KIRREL3: variants seen among roughly 807,000 people sequenced by gnomAD.
The protein encoded by KIRREL3 is kin of IRRE-like protein 3.
Under a neutral mutation model 89.7 loss-of-function variants are expected in KIRREL3, and 36 were observed. The ratio of observed to expected loss-of-function variants is 0.40; its 90% confidence interval spans 0.31 to 0.53. KIRREL3 has a LOEUF of 0.53. KIRREL3 is among the 20% of genes least tolerant of loss of function. KIRREL3 has a pLI of 0.49. For synonymous variants in KIRREL3, 445 were observed against 441.4 expected, an observed-to-expected ratio of 1.01 and a Z score of -0.10; for missense variants, 864 against 1,056.6, an observed-to-expected ratio of 0.82 and a Z score of 2.53.
Position 126,739,192 on chromosome 11 carries a change from G to A in KIRREL3, c.56-176280C>T, listed in dbSNP as rs1106419. 0.21 allele frequency among the ~76,000 whole-genome samples: 31,425 copies of A among 152,216 alleles called. 3,364 individuals carry two copies. Among genetic ancestry groups the A allele is most frequent in the African/African-American group, 0.24 (9,923 of 41,520 alleles). The stretch of plus-strand genomic sequence containing the variant: ...CTTCCACCCGTTCCGTGCTATTGTT[G>A]GAGATGTGAATTCCACTGATGTGAA... On this transcript the variant is annotated intron_variant, in intron 1 of 16. Transcript: ENST00000525144. This position sits in a 1 kb window ranked among gnomAD's most constrained non-coding sequence, Gnocchi z 5.5.
rs1187085766 is a variant in KIRREL3 at position 126,601,790 on chromosome 11, G to A, written c.56-38878C>T. Reference sequence around the variant, plus strand: ...ATCCCCCTGAATTCCATCCCCTGCCGCGTCCATTTCTAGGAGCTCCATTCC... The same window carrying A: ...ATCCCCCTGAATTCCATCCCCTGCCACGTCCATTTCTAGGAGCTCCATTCC... On this transcript the variant is annotated intron_variant, in intron 1 of 16. Coordinates refer to ENST00000525144, the MANE Select transcript of KIRREL3 (RefSeq NM_032531.4). The surrounding 1 kb of genome is among the most constrained non-coding windows in gnomAD (Gnocchi z 5.8). 6.6e-6 allele frequency among the ~76,000 whole-genome samples: 1 copy of A among 152,064 alleles called. No individual in the cohort carries two copies. The highest frequency in any genetic ancestry group is 2.4e-5 in the African/African-American group (1 of 41,392).
At chr11:126,502,694 G>A (rs931576937) in intron 4 of KIRREL3, among the ~76,000 whole-genome samples, 1 of 152,214 alleles carries the variant, frequency 6.6e-6, no homozygotes, top group Non-Finnish European at 1.5e-5. Flanking sequence ...ACTTGGAAAT[G>A]TTTCCTAGTT....
At chr11:126,591,511 C>T (rs1169753187) in intron 1 of KIRREL3, among the ~76,000 whole-genome samples, 2 of 152,310 alleles carry the variant, frequency 1.3e-5, no homozygotes, top group East Asian at 3.9e-4. Flanking sequence ...AGGGCTTCTA[C>T]ATCTTGCCCA....
intron 1 of KIRREL3, among the ~76,000 whole-genome samples, chr11:126,727,028 TTC>T (rs1948414800): frequency 6.6e-6 from 1 of 152,212 alleles, no homozygotes; most frequent in South Asian, 2.1e-4. Context: ...GTAGCCTACC[TTC>T]ACTCATCTAG....
Position 126,769,440 on chromosome 11 carries a change from G to A in KIRREL3, c.56-206528C>T, listed in dbSNP as rs940929640. Among the ~76,000 whole-genome samples the A allele has an allele frequency of 2.6e-4, 40 of 152,104 alleles. No individual in the cohort carries two copies. The highest frequency in any genetic ancestry group is 8.7e-4 in the African/African-American group (36 of 41,420). On this transcript the variant is annotated intron_variant, in intron 1 of 16. Transcript: ENST00000525144. The surrounding 1 kb of genome is among the most constrained non-coding windows in gnomAD (Gnocchi z 4.3). ...CATGAGACATTATTGGATAGATATT[G>A]CCATCAAGAAGAGGGGCCCACTCCC...
rs569805291 is a variant in KIRREL3 at position 126,632,434 on chromosome 11, T to G, written c.56-69522A>C. Among the ~76,000 whole-genome samples, 77 of 152,356 alleles carry G rather than the reference T, an allele frequency of 5.1e-4. 1 individual carries two copies. Among genetic ancestry groups the G allele is most frequent in the Admixed American group, 1.8e-3 (27 of 15,306 alleles). On this transcript the variant is annotated intron_variant, in intron 1 of 16. Coordinates refer to ENST00000525144, the MANE Select transcript of KIRREL3 (RefSeq NM_032531.4). ...GGAAAATGTCCACACATGAGATTAT[T>G]AATTCATTGTTCAATTAAGTTATGA... is the stretch of plus-strand genomic sequence containing the variant.
intron 1 of KIRREL3, among the ~76,000 whole-genome samples, chr11:126,626,675 C>T (rs561082667): frequency 2.6e-5 from 4 of 152,170 alleles, no homozygotes; most frequent in African/African-American, 4.8e-5. Flanking sequence ...CCTATCAGCC[C>T]GTTGATAAGT....
At chr11:126,456,301 G>A (rs920912985) in intron 7 of KIRREL3, 48 bp downstream of exon 7, 1 of 1,300,562 alleles carries the variant, frequency 7.7e-7, no homozygotes, top group Admixed American at 2.0e-5. Flanking sequence ...AGAGGCACGG[G>A]GGTGGGGGCC....
rs1006014385 is a variant in KIRREL3 at position 126,605,069 on chromosome 11, C to A, written c.56-42157G>T. Among the ~76,000 whole-genome samples, 4 of 152,222 alleles carry A rather than the reference C, an allele frequency of 2.6e-5. No homozygotes were observed. The highest frequency in any genetic ancestry group is 4.1e-4 in the South Asian group (2 of 4,824). ...AGACCCATAATCACAGACAATGCAT[C>A]GAGCCTGGTGAGGGTGTGGCCTTTC... On this transcript the variant is annotated intron_variant, in intron 1 of 16. Transcript: ENST00000525144. This position sits in a 1 kb window ranked among gnomAD's most constrained non-coding sequence, Gnocchi z 5.7.
intron 1 of KIRREL3, among the ~76,000 whole-genome samples, chr11:126,613,595 T>C (rs1490418240): frequency 6.6e-6 from 1 of 152,178 alleles, no homozygotes; most frequent in Non-Finnish European, 1.5e-5. Flanking sequence ...TTGGCCACTG[T>C]TTGATATAAT....
In KIRREL3 at chr11:126,795,812, T is replaced by C. The variant is rs10128663; in HGVS notation, c.55+204643A>G. On this transcript the variant is annotated intron_variant, in intron 1 of 16. Transcript: ENST00000525144. The surrounding 1 kb of genome is among the most constrained non-coding windows in gnomAD (Gnocchi z 4.1). ...TTCAACCACCAGTTCTTCTTCCCCC[T>C]GTGCACCCCAAGAGCGTACATCAGC... Among the ~76,000 whole-genome samples the C allele has an allele frequency of 0.72, 109,310 of 151,548 alleles. 39,497 individuals carry two copies. Among genetic ancestry groups the C allele is most frequent in the South Asian group, 0.83 (3,964 of 4,804 alleles).
At chr11:126,770,631 C>T (rs1422113958) in intron 1 of KIRREL3, among the ~76,000 whole-genome samples, 1 of 152,186 alleles carries the variant, frequency 6.6e-6, no homozygotes, top group Non-Finnish European at 1.5e-5. Context: ...GATATTTCCA[C>T]TCAGACACTC....
Position 126,455,564 on chromosome 11 carries a change from G to A in KIRREL3, c.848+785C>T, listed in dbSNP as rs1220307358. Among the ~76,000 whole-genome samples, 1 of 151,968 alleles carries A rather than the reference G, an allele frequency of 6.6e-6. No homozygotes were observed. Among genetic ancestry groups the A allele is most frequent in the African/African-American group, 2.4e-5 (1 of 41,360 alleles). On this transcript the variant is annotated intron_variant, in intron 7 of 16. Transcript: ENST00000525144. The surrounding 1 kb of genome is among the most constrained non-coding windows in gnomAD (Gnocchi z 6.4). The stretch of plus-strand genomic sequence containing the variant: ...AGCACTTTGGGAGGCTGAGGCAGGT[G>A]GATCACGAGGTCAGGAGATCGAGAC...
Position 126,665,799 on chromosome 11 carries a change from A to G in KIRREL3, c.56-102887T>C, listed in dbSNP as rs577006223. On this transcript the variant is annotated intron_variant, in intron 1 of 16. Coordinates refer to ENST00000525144, the MANE Select transcript of KIRREL3 (RefSeq NM_032531.4). ...AGAGCACAGACTTTGGAAACATGCT[A>G]TGTGGACCTGAGGTCTGCCTGCAAC... is the stretch of plus-strand genomic sequence containing the variant. 1.6e-4 allele frequency among the ~76,000 whole-genome samples: 24 copies of G among 152,330 alleles called. 1 individual carries two copies. In the South Asian group the frequency reaches 5.0e-3, roughly 32 times the overall value.
At chr11:126,457,333 G>GTA (rs1182992465) in intron 6 of KIRREL3, among the ~76,000 whole-genome samples, 1 of 149,380 alleles carries the variant, frequency 6.7e-6, no homozygotes, top group African/African-American at 2.5e-5. Context: ...ATGTGTATGT[G>GTA]TATATGTGTG....
chr11:126,524,544 C>T (rs375980577), intron 3 of KIRREL3, among the ~76,000 whole-genome samples: 3 of 152,148 alleles, frequency 2.0e-5, no homozygotes, highest in Non-Finnish European at 4.4e-5. Flanking sequence ...ATAATGTCTG[C>T]GAAGTACCTG....
At chr11:126,929,840 C>T (rs1191090079) in intron 1 of KIRREL3, among the ~76,000 whole-genome samples, 5 of 152,200 alleles carry the variant, frequency 3.3e-5, no homozygotes, top group African/African-American at 1.2e-4. Context: ...CTCCTCTGCG[C>T]TCTCTTTCCA....
chr11:126,866,656 C>G (rs1011214438), intron 1 of KIRREL3, among the ~76,000 whole-genome samples: 5 of 151,844 alleles, frequency 3.3e-5, no homozygotes, highest in Admixed American at 2.0e-4. Flanking sequence ...ACTGCCCCCC[C>G]ACACACACTG....
chr11:126,447,143 C>T (rs1419871354), intron 8 of KIRREL3, among the ~76,000 whole-genome samples: 5 of 151,898 alleles, frequency 3.3e-5, no homozygotes, highest in South Asian at 2.1e-4. Flanking sequence ...TGGTCGGCAG[C>T]GTGGGGCCTG....
Sources: gnomAD v4.1 joint callset for allele counts (sites outside exome capture counted in the v4.1 genomes callset) on GRCh38, gnomAD v4.1.1 for gene constraint, Gnocchi (gnomAD v3.1) non-coding constraint, MANE v1.5 for transcripts, NCBI Gene and HGNC (gene_info 2026-07-23, HGNC 2026-07-21) for gene names.